CARD9: variants seen among roughly 807,000 people sequenced by gnomAD.
The protein encoded by CARD9 is caspase recruitment domain-containing protein 9.
In CARD9, 53 loss-of-function variants were observed where a neutral mutation model predicts 66.0. The ratio of observed to expected loss-of-function variants is 0.80; its 90% CI spans 0.64 to 1.01. CARD9 has a LOEUF of 1.01. Ranked by LOEUF, CARD9 falls within the 50% of genes least tolerant of loss-of-function variation. The pLI is 0.00. For synonymous variants in CARD9, 387 were observed against 313.8 expected (o/e 1.23, Z -2.47); for missense variants, 769 against 743.2 (o/e 1.03, Z -0.40).
rs565834333 is a variant in CARD9, at chr9:136,364,628, C to A, written c.1435-69G>T. 3.2e-5 allele frequency: 46 copies of A among 1,444,684 alleles called. No homozygotes were observed. The South Asian group carries it at 5.5e-4, about 17-fold the overall frequency. The allele number at this position is 1,444,684 out of a possible 1,614,324, so 89.5% of individuals were successfully genotyped here. A position where few individuals can be genotyped will look rare whatever the true frequency, so the allele number is the denominator to read the frequency against. On this transcript the variant is annotated intron_variant, in intron 11 of 12. Transcript: ENST00000371732. ...GGAACCCGTCCTTCTCACCCGCCCCCCACTGGCCCCTGTAACTGCAGACTG... is the reference window on the plus strand; with the variant it reads ...GGAACCCGTCCTTCTCACCCGCCCCACACTGGCCCCTGTAACTGCAGACTG...
intron 2 of CARD9, 29 bp from the exon 3 acceptor site, chr9:136,371,490 CGGGGCACAGGCGAGGCAGAGGGCTGGGGT>C: frequency 1.6e-6 from 1 of 639,120 alleles, no homozygotes. Context: ...TAACTGGGGG[CGGGGCACAGGCGAGGCAGAGGGCTGGGGT>C]GGGTGGGCCT....
At chr9:136,369,097 G>A (rs1277234554) in intron 7 of CARD9, among the ~76,000 whole-genome samples, 2 of 152,146 alleles carry the variant, frequency 1.3e-5, no homozygotes, top group Non-Finnish European at 2.9e-5. Context: ...TGGGATTATA[G>A]GCGTGAGCCA....
intron 8 of CARD9, 155 bp from the exon 9 acceptor site, chr9:136,367,412 G>A (rs1268943660): frequency 8.0e-6 from 8 of 1,001,498 alleles, no homozygotes; most frequent in Admixed American, 2.1e-5. Context: ...CTGCTAGGCT[G>A]CCTGATGGCC....
Position 136,371,980 on chromosome 9 carries a change from G to T in CARD9, c.99C>A (p.Tyr33Ter). Residue 33 changes from tyrosine to a stop codon, truncating the protein, a stop_gained, in exon 2 of 13, where the codon TAC becomes TAA. Coordinates refer to ENST00000371732, the MANE Select transcript of CARD9 (RefSeq NM_052813.5). LOFTEE classifies it high-confidence loss of function. ...SVIDPSRITP[Y>*]LRQCKVLNPD... ...GGTTCAGGACCTTGCACTGCCGCAG[G>T]TAAGGTGTGATGCGTGAGGGGTCGA... The T allele has an allele frequency of 6.2e-7, 1 of 1,612,714 alleles. No individual in the cohort carries two copies. The highest frequency in any genetic ancestry group is 8.5e-7 in the Non-Finnish European group (1 of 1,179,816).
chr9:136,371,087 C>T lies in CARD9; in HGVS notation c.381G>A (p.Gln127=), dbSNP rs746700619. Residue 127 remains glutamine, a synonymous_variant, in exon 4 of 13, where the codon CAG becomes CAA. Transcript: ENST00000371732. ...QLLMTEVMKL[Q]KKVQDLTALL... Reference sequence around the variant, plus strand: ...GCGCGGTCAGGTCCTGCACCTTCTTCTGCAGCTTCATGACCTCAGTCATCA... The same window carrying T: ...GCGCGGTCAGGTCCTGCACCTTCTTTTGCAGCTTCATGACCTCAGTCATCA... The T allele has an allele frequency of 3.7e-6, 6 of 1,612,642 alleles. No homozygotes were observed. The highest frequency in any genetic ancestry group is 1.3e-5 in the African/African-American group (1 of 74,946).
chr9:136,368,522 G>A (rs981740622), intron 7 of CARD9, among the ~76,000 whole-genome samples: 2 of 152,246 alleles, frequency 1.3e-5, no homozygotes, highest in Non-Finnish European at 2.9e-5. Flanking sequence ...GGCTTCCTTT[G>A]TAGCCCCAGG....
intron 10 of CARD9, chr9:136,366,229 C>T (rs1033132417): frequency 6.1e-6 from 1 of 164,130 alleles, no homozygotes; most frequent in Non-Finnish European, 1.3e-5. Context: ...GTCCTTCCCC[C>T]AGACAGGCAG....
intron 10 of CARD9, 163 bp from the exon 11 acceptor site, chr9:136,365,380 G>A: frequency 1.6e-6 from 1 of 643,038 alleles, no homozygotes; most frequent in Admixed American, 2.5e-5. Flanking sequence ...ATGAGACTGA[G>A]GCCTTATGGC....
chr9:136,371,413 G>T lies in CARD9; in HGVS notation c.233C>A (p.Ala78Asp). The T allele has an allele frequency of 6.3e-7, 1 of 1,590,392 alleles. No individual in the cohort carries two copies. Among genetic ancestry groups the T allele is most frequent in the Non-Finnish European group, 8.6e-7 (1 of 1,168,258 alleles). ...LQRTGHKGYV[A>D]FLESLELYYP... ...GTAGAGCTCCAGGCTCTCGAGGAAG[G>T]CCACGTAGCCCTTGTGGCCGGTCCG... Residue 78 changes from alanine (A) to aspartate (D), a missense_variant, in exon 3 of 13, where the codon GCC (alanine) becomes GAC (aspartate). By Grantham distance (126) the Ala-to-Asp change is moderately radical (BLOSUM62 -2). Transcript: ENST00000371732.
chr9:136,369,860 C>T lies in CARD9; in HGVS notation c.967G>A (p.Glu323Lys), dbSNP rs749994446. Residue 323 changes from glutamate to lysine, a missense_variant, in exon 7 of 13, where the codon GAG becomes AAG. Transcript: ENST00000371732. The stretch of plus-strand genomic sequence containing the variant: ...GCCAGGCACTGCAGCTCGAACATCT[C>T]CTTCTCCTCCATGCACTGCAGGGGG... Reference protein sequence around the residue: ...ARRLRCMEEKEMFELQCLALR... With the variant: ...ARRLRCMEEKKMFELQCLALR... 1.2e-5 allele frequency: 19 copies of T among 1,612,452 alleles called. No homozygotes were observed. Among genetic ancestry groups the T allele is most frequent in the Non-Finnish European group, 1.6e-5 (19 of 1,180,010 alleles).
intron 6 of CARD9, 50 bp downstream of exon 6, chr9:136,370,244 C>A: frequency 6.3e-7 from 1 of 1,581,524 alleles, no homozygotes; most frequent in Non-Finnish European, 8.5e-7. Flanking sequence ...CTCAGCCCGT[C>A]CAGCCTGGCT....
rs1437566202 is a variant in CARD9, at chr9:136,364,142, T to A, written c.*160A>T. 2.6e-6 allele frequency: 4 copies of A among 1,550,412 alleles called. No homozygotes were observed. Among genetic ancestry groups the A allele is most frequent in the South Asian group, 1.2e-5 (1 of 84,072 alleles). ...AGTGCCGCTTAACAAACGGCCCCAA[T>A]GCCCGGCAGTCCGGCTGGGCCTTTC... On this transcript the variant is annotated 3_prime_UTR_variant, in exon 13 of 13. Coordinates refer to ENST00000371732, the MANE Select transcript of CARD9 (RefSeq NM_052813.5).
At chr9:136,367,919 CGG>C in intron 7 of CARD9, 91 bp from the exon 8 acceptor site, 2 of 1,473,014 alleles carry the variant, frequency 1.4e-6, no homozygotes, top group Non-Finnish European at 1.8e-6. Flanking sequence ...GCAGAGGCTC[CGG>C]AGGACGTCAA....
chr9:136,371,195 C>T (rs1332924741), intron 3 of CARD9, 50 bp from the exon 4 acceptor site: 1 of 1,603,574 alleles, frequency 6.2e-7, no homozygotes, highest in East Asian at 2.3e-5. Flanking sequence ...GGTGGCCCAG[C>T]TCCATCACGC....
rs755769757 is a variant in CARD9 at position 136,371,312 on chromosome 9, C to T, written c.322+12G>A. The T allele has an allele frequency of 1.9e-6, 3 of 1,599,750 alleles. No homozygotes were observed. Among genetic ancestry groups the T allele is most frequent in the Non-Finnish European group, 2.6e-6 (3 of 1,173,742 alleles). On this transcript the variant is annotated intron_variant, in intron 3 of 12. Coordinates refer to ENST00000371732, the MANE Select transcript of CARD9 (RefSeq NM_052813.5). The stretch of plus-strand genomic sequence containing the variant: ...CGCCTCCCCTGTCGGCCCCGCCTCC[C>T]CCGTCACTCACCGATGATCATGGAG...
chr9:136,368,887 T>C (rs906349608), intron 7 of CARD9, among the ~76,000 whole-genome samples: 36 of 152,012 alleles, frequency 2.4e-4, no homozygotes, highest in African/African-American at 8.0e-4. Flanking sequence ...TAGCGTGATC[T>C]CAGCTCACTG....
In CARD9 at chr9:136,370,510, C is replaced by T. The variant is rs74954029; in HGVS notation, c.807+12G>A. 2.5e-6 allele frequency: 4 copies of T among 1,600,710 alleles called. No individual in the cohort carries two copies. Among genetic ancestry groups the T allele is most frequent in the Middle Eastern group, 1.7e-4 (1 of 6,016 alleles). Reference sequence around the variant, plus strand: ...CCTGCCTGGGCTGCACCTGCCCTGCCTACGGCCCCACCTGGACGGAGGCCT... The same window carrying T: ...CCTGCCTGGGCTGCACCTGCCCTGCTTACGGCCCCACCTGGACGGAGGCCT... On this transcript the variant is annotated intron_variant, in intron 5 of 12. Coordinates refer to ENST00000371732, the MANE Select transcript of CARD9 (RefSeq NM_052813.5).
intron 10 of CARD9, 113 bp from the exon 11 acceptor site, chr9:136,365,330 G>C: frequency 1.0e-6 from 1 of 983,984 alleles, no homozygotes; most frequent in Non-Finnish European, 1.6e-6. Flanking sequence ...GGCCTGGTGG[G>C]ATCCCCACAT....
At position 136,364,472 on chromosome 9, in the gene CARD9, C is replaced by A; in HGVS notation, c.1511+11G>T. ...GCCCGTTTTGGAGAAGCCTGGGGGC[C>A]GCCCGCCTACCTGCGGTAGTTCTCA... On this transcript the variant is annotated intron_variant, in intron 12 of 12. Transcript: ENST00000371732. 1.9e-6 allele frequency: 3 copies of A among 1,540,230 alleles called. No individual in the cohort carries two copies. The highest frequency in any genetic ancestry group is 1.7e-6 in the Non-Finnish European group (2 of 1,146,868).
Sources: allele counts gnomAD v4.1 joint callset (sites outside exome capture counted in the v4.1 genomes callset), GRCh38; gene constraint gnomAD v4.1.1; transcripts MANE v1.5; gene names NCBI Gene and HGNC (gene_info 2026-07-23, HGNC 2026-07-21).